TEX10: variants seen among roughly 807,000 people sequenced by gnomAD.
TEX10 encodes testis-expressed protein 10.
A neutral mutation model predicts 104.4 loss-of-function variants in TEX10; 24 were observed. The ratio of observed to expected loss-of-function variants is 0.23; its 90% CI spans 0.17 to 0.32. TEX10 has a LOEUF of 0.32. Among genes scored for constraint, TEX10 ranks in the 10% least tolerant of loss-of-function variants. The pLI is 1.00. For missense variants in TEX10, 921 were observed against 1,083.9 expected (o/e 0.85, Z 2.11); for synonymous variants, 396 against 393.4 (o/e 1.01, Z -0.08).
chr9:100,328,694 CT>C (rs2118884681), intron 7 of TEX10, among the ~76,000 whole-genome samples: 1 of 152,314 alleles, frequency 6.6e-6, no homozygotes, highest in South Asian at 2.1e-4. Flanking sequence ...TCAAACTCAC[CT>C]TATTGAAAAA....
rs554301690 is a variant in TEX10 at position 100,313,481 on chromosome 9, C to T, written c.2203-3102G>A. On this transcript the variant is annotated intron_variant, in intron 11 of 14. Coordinates refer to ENST00000374902, the MANE Select transcript of TEX10 (RefSeq NM_017746.4). ...AGTGAGCAGAGATCGTGCCATTGTA[C>T]GCCAGCCTGGGCAACAAGAGTGAAA... is the stretch of plus-strand genomic sequence containing the variant. 8.9e-5 allele frequency among the ~76,000 whole-genome samples: 13 copies of T among 146,134 alleles called. No homozygotes were observed. The East Asian group carries it at 1.4e-3, about 16-fold the overall frequency.
intron 11 of TEX10, among the ~76,000 whole-genome samples, chr9:100,318,227 C>T (rs890631987): frequency 6.6e-6 from 1 of 152,158 alleles, no homozygotes; most frequent in Non-Finnish European, 1.5e-5. Context: ...TGTTCACCAA[C>T]GTATGCGTGG....
chr9:100,311,986 GGGAA>G (rs1834294009), intron 11 of TEX10, among the ~76,000 whole-genome samples: 2 of 151,848 alleles, frequency 1.3e-5, no homozygotes. Flanking sequence ...GTGTGGGGGG[GGGAA>G]TCAACAGATC....
At chr9:100,345,782 G>A (rs963127666) in intron 4 of TEX10, among the ~76,000 whole-genome samples, 1 of 152,008 alleles carries the variant, frequency 6.6e-6, no homozygotes, top group African/African-American at 2.4e-5. Flanking sequence ...CAATCAATCT[G>A]CCATAAACAA....
chr9:100,329,111 A>G lies in TEX10; in HGVS notation c.1625+29T>C, dbSNP rs1318607841. 3 of 1,568,130 alleles carry G rather than the reference A, an allele frequency of 1.9e-6. No homozygotes were observed. In the African/African-American group the frequency reaches 4.2e-5, roughly 22 times the overall value. ...ACTACAGAAAAACTCAGCAAGAGAA[A>G]AAAGAAAGGAAAAATAACAAGATTT... On this transcript the variant is annotated intron_variant, in intron 7 of 14. Transcript: ENST00000374902.
chr9:100,302,328 C>A, intron 14 of TEX10, 24 bp from the exon 15 acceptor site: 1 of 1,533,404 alleles, frequency 6.5e-7, no homozygotes, highest in Non-Finnish European at 9.0e-7. Flanking sequence ...CAAGAGTAAT[C>A]TGAGAACTGC....
rs1834197035 is a variant in TEX10 at position 100,308,555 on chromosome 9, G to T, written c.2410C>A (p.Leu804Ile). The T allele has an allele frequency of 1.9e-6, 3 of 1,612,552 alleles. No individual in the cohort carries two copies. In the South Asian group the frequency reaches 3.3e-5, roughly 18 times the overall value. ...LPFLASCCYS[L>I]LYFLLTIEKG... ...TCTATAGTGAGCAGAAAATAAAGAA[G>T]ACTGTAGCAACAAGAAGCCAGAAAT... Residue 804 changes from leucine (L) to isoleucine (I), a missense_variant, in exon 13 of 15, where the codon CTT becomes ATT. Coordinates refer to ENST00000374902, the MANE Select transcript of TEX10 (RefSeq NM_017746.4).
rs780201592 is a variant in TEX10, at chr9:100,347,123, C to T, written c.464G>A (p.Gly155Glu). Residue 155 changes from glycine to glutamate, a missense_variant, in exon 3 of 15, where the codon GGA (glycine) becomes GAA (glutamate). By Grantham distance (98) the Gly-to-Glu change is moderately conservative (BLOSUM62 -2). This residue lies in a region of TEX10 where 50 missense variants were observed against 104.2 expected (regional missense o/e 0.48). Coordinates refer to ENST00000374902, the MANE Select transcript of TEX10 (RefSeq NM_017746.4). Reference sequence around the variant, plus strand: ...AACTTTTAAAGAGTCCTCCTGAATTCCTTCAGTAATGTGAGTCATGGCACT... The same window carrying T: ...AACTTTTAAAGAGTCCTCCTGAATTTCTTCAGTAATGTGAGTCATGGCACT... ...LSSAMTHITE[G>E]IQEDSLKVLD... 2.5e-6 allele frequency: 4 copies of T among 1,614,172 alleles called. No homozygotes were observed. Among genetic ancestry groups the T allele is most frequent in the Non-Finnish European group, 3.4e-6 (4 of 1,180,018 alleles).
At chr9:100,337,053 T>C (rs1835028346) in intron 5 of TEX10, among the ~76,000 whole-genome samples, 1 of 152,256 alleles carries the variant, frequency 6.6e-6, no homozygotes, top group Non-Finnish European at 1.5e-5. Flanking sequence ...TTCTCTAAGA[T>C]GGTCCTCCCC....
Position 100,327,959 on chromosome 9 carries a change from ATATCT to A in TEX10, c.1626-2_1628del. The A allele has an allele frequency of 6.5e-7, 1 of 1,548,782 alleles. No homozygotes were observed. Among genetic ancestry groups the A allele is most frequent in the East Asian group, 2.3e-5 (1 of 44,028 alleles). ...GCCAACGGGATAACACTTTACTACG[ATATCT>A]TAGAAAGGCCAAAGAAGAATAAAAT... On this transcript the variant is annotated splice_acceptor_variant and coding_sequence_variant, in exon 8 of 15. Coordinates refer to ENST00000374902, the MANE Select transcript of TEX10 (RefSeq NM_017746.4). LOFTEE classifies it high-confidence loss of function.
chr9:100,303,541 T>C lies in TEX10; in HGVS notation c.2676+91A>G. 4 of 1,392,844 alleles carry C rather than the reference T, an allele frequency of 2.9e-6. No individual in the cohort carries two copies. In the East Asian group the frequency reaches 9.2e-5, roughly 32 times the overall value. The allele number at this position is 1,392,844 out of a possible 1,614,324, so 86.3% of individuals were successfully genotyped here. A position where few individuals can be genotyped will look rare whatever the true frequency, so the allele number is the denominator to read the frequency against. On this transcript the variant is annotated intron_variant, in intron 14 of 14. Coordinates refer to ENST00000374902, the MANE Select transcript of TEX10 (RefSeq NM_017746.4). ...CCTGGACTCAATGTATGGGATCCCT[T>C]TCCTCCCTCAAAACACACTTTCCCC...
At chr9:100,313,788 T>C (rs2118844515) in intron 11 of TEX10, among the ~76,000 whole-genome samples, 1 of 148,812 alleles carries the variant, frequency 6.7e-6, no homozygotes, top group East Asian at 2.0e-4. Flanking sequence ...AGGTTGGCAG[T>C]GACCTGAGAC....
At chr9:100,320,472 G>T in intron 10 of TEX10, 74 bp from the exon 11 acceptor site, 1 of 1,464,184 alleles carries the variant, frequency 6.8e-7, no homozygotes, top group Non-Finnish European at 9.2e-7. Context: ...AAAAAACAGA[G>T]ATGACATATG....
intron 2 of TEX10, among the ~76,000 whole-genome samples, chr9:100,348,424 T>C (rs536053584): frequency 7.2e-5 from 11 of 152,252 alleles, no homozygotes; most frequent in Non-Finnish European, 1.5e-4. Context: ...GTGTAAATTA[T>C]ATCTCCATAA....
rs369333399 is a variant in TEX10, at chr9:100,349,201, T to C, written c.163A>G (p.Arg55Gly). The change falls in exon 2 of 15, where the codon AGA becomes GGA. Residue 55 changes from arginine (R) to glycine (G), a missense_variant. Coordinates refer to ENST00000374902, the MANE Select transcript of TEX10 (RefSeq NM_017746.4). The stretch of plus-strand genomic sequence containing the variant: ...TGATTTACCTTTATGTTAAGTTTTC[T>C]ATTGTTTGTTGGAAGTGTTCCATCC... ...KEDGTLPTNN[R>G]KLNIKDLLSQ... 3 of 1,548,578 alleles carry C rather than the reference T, an allele frequency of 1.9e-6. No homozygotes were observed. Among genetic ancestry groups the C allele is most frequent in the African/African-American group, 2.8e-5 (2 of 71,406 alleles).
chr9:100,317,953 G>A (rs1023203319), intron 11 of TEX10, among the ~76,000 whole-genome samples: 3 of 152,084 alleles, frequency 2.0e-5, no homozygotes, highest in Admixed American at 2.0e-4. Context: ...CAGTCAGAAT[G>A]GCTATTAAGA....
At chr9:100,334,252 CT>C in intron 5 of TEX10, among the ~76,000 whole-genome samples, 1 of 151,572 alleles carries the variant, frequency 6.6e-6, no homozygotes, top group Middle Eastern at 3.4e-3. Context: ...AGAAGAAAAA[CT>C]TTAGGGGGAA....
At chr9:100,318,569 C>G (rs1211164813) in intron 11 of TEX10, among the ~76,000 whole-genome samples, 2 of 152,092 alleles carry the variant, frequency 1.3e-5, no homozygotes, top group African/African-American at 4.8e-5. Context: ...TATAGTCTTA[C>G]GCATGTAACA....
intron 11 of TEX10, among the ~76,000 whole-genome samples, chr9:100,311,700 C>A (rs550637956): frequency 7.2e-5 from 11 of 152,154 alleles, no homozygotes; most frequent in African/African-American, 2.6e-4. Context: ...AGAAGTAAAA[C>A]CCCTAGTATT....
Sources: gnomAD v4.1 joint callset for allele counts (sites outside exome capture counted in the v4.1 genomes callset) on GRCh38, gnomAD v4.1.1 for gene constraint, gnomAD v4.1.1 regional missense constraint, MANE v1.5 for transcripts, NCBI Gene and HGNC (gene_info 2026-07-23, HGNC 2026-07-21) for gene names.